ERBB4: variants seen among roughly 807,000 people sequenced by gnomAD.
ERBB4 encodes erb-b2 receptor tyrosine kinase 4.
In ERBB4, 42 loss-of-function variants were observed where a neutral mutation model predicts 158.0. That is an observed-to-expected ratio of 0.27 (90% confidence interval 0.21 to 0.34). The LOEUF is 0.34. Ranked by LOEUF, ERBB4 falls within the 10% of genes least tolerant of loss-of-function variation. The pLI is 1.00. For missense variants in ERBB4, 1,333 were observed against 1,624.1 expected (o/e 0.82, Z 3.08); for synonymous variants, 583 against 558.7 (o/e 1.04, Z -0.61).
intron 1 of ERBB4, among the ~76,000 whole-genome samples, chr2:212,393,457 T>C (rs1218549895): frequency 6.6e-6 from 1 of 152,046 alleles, no homozygotes. Context: ...ACATATGAAA[T>C]AATAATATAT....
chr2:212,311,297 A>G (rs2087034282), intron 1 of ERBB4, among the ~76,000 whole-genome samples: 1 of 150,980 alleles, frequency 6.6e-6, no homozygotes, highest in South Asian at 2.1e-4. Flanking sequence ...AAAAATAAAA[A>G]TAATATAGAA....
At chr2:212,185,701 T>C (rs1559684375) in intron 1 of ERBB4, among the ~76,000 whole-genome samples, 1 of 151,908 alleles carries the variant, frequency 6.6e-6, no homozygotes, top group Non-Finnish European at 1.5e-5. Flanking sequence ...TAAGTAATGA[T>C]GGAATTTGGG....
At chr2:212,151,133 A>G (rs959165053) in intron 1 of ERBB4, among the ~76,000 whole-genome samples, 4 of 151,982 alleles carry the variant, frequency 2.6e-5, no homozygotes, top group Non-Finnish European at 5.9e-5. Flanking sequence ...AAATAAATGC[A>G]TCTGTCTGCA....
chr2:211,643,533 A>G (rs1007351948), intron 16 of ERBB4, among the ~76,000 whole-genome samples: 2 of 152,108 alleles, frequency 1.3e-5, no homozygotes, highest in Admixed American at 6.6e-5. Flanking sequence ...ACTATGTCCA[A>G]ATTTTTCACT....
At chr2:212,238,970 G>A (rs370918153) in intron 1 of ERBB4, among the ~76,000 whole-genome samples, 1 of 152,132 alleles carries the variant, frequency 6.6e-6, no homozygotes, top group East Asian at 1.9e-4. Flanking sequence ...TTTGGAGTCT[G>A]GGCTTCAAGT....
At chr2:212,272,621 G>A (rs2106122548) in intron 1 of ERBB4, among the ~76,000 whole-genome samples, 1 of 151,886 alleles carries the variant, frequency 6.6e-6, no homozygotes, top group South Asian at 2.1e-4. Flanking sequence ...TGTGGGTTAA[G>A]CTATTAGGAA....
chr2:211,611,081 C>A (rs918670881), intron 19 of ERBB4, among the ~76,000 whole-genome samples: 6 of 152,100 alleles, frequency 3.9e-5, no homozygotes, highest in African/African-American at 1.4e-4. Flanking sequence ...ACTGGAAATG[C>A]CTGCAGTCAA....
At chr2:211,972,682 T>G (rs1559220331) in intron 2 of ERBB4, among the ~76,000 whole-genome samples, 1 of 152,166 alleles carries the variant, frequency 6.6e-6, no homozygotes. Flanking sequence ...TAAATGGTAG[T>G]GGGATAACTG....
At chr2:211,863,957 G>A (rs2078136546) in intron 3 of ERBB4, among the ~76,000 whole-genome samples, 1 of 152,116 alleles carries the variant, frequency 6.6e-6, no homozygotes, top group African/African-American at 2.4e-5. Flanking sequence ...GAGAGGGCTT[G>A]GAGGTAGGAT....
intron 1 of ERBB4, among the ~76,000 whole-genome samples, chr2:212,478,819 C>G (rs950741223): frequency 6.6e-6 from 1 of 152,070 alleles, no homozygotes; most frequent in Non-Finnish European, 1.5e-5. Context: ...GACATACCTT[C>G]ATCTCAAATA....
Position 211,888,955 on chromosome 2 carries a change from A to G in ERBB4, c.421+58475T>C, listed in dbSNP as rs375609692. ...GCAGTCTGAGATCAAACTGCAAGGCAGCAGCGAGGCTGGGGGAGGGGCGCC... is the reference window on the plus strand; with the variant it reads ...GCAGTCTGAGATCAAACTGCAAGGCGGCAGCGAGGCTGGGGGAGGGGCGCC... On this transcript the variant is annotated intron_variant, in intron 3 of 27. Transcript: ENST00000342788. Among the ~76,000 whole-genome samples, 82 of 151,154 alleles carry G rather than the reference A, an allele frequency of 5.4e-4. 2 individuals are homozygous for G. Among genetic ancestry groups the G allele is most frequent in the East Asian group, 5.2e-3 (27 of 5,162 alleles).
chr2:211,791,512 G>C (rs1183364918), intron 3 of ERBB4, among the ~76,000 whole-genome samples: 1 of 143,110 alleles, frequency 7.0e-6, no homozygotes, highest in African/African-American at 2.5e-5. Flanking sequence ...GAGTGCAGAA[G>C]CTAAAAAAAA....
intron 2 of ERBB4, among the ~76,000 whole-genome samples, chr2:212,081,131 C>G (rs1191704360): frequency 6.6e-6 from 1 of 152,134 alleles, no homozygotes; most frequent in Non-Finnish European, 1.5e-5. Context: ...TTTCAAAGAG[C>G]TGCAGACGGT....
chr2:211,874,341 C>T (rs954703798), intron 3 of ERBB4, among the ~76,000 whole-genome samples: 30 of 152,104 alleles, frequency 2.0e-4, no homozygotes, highest in African/African-American at 7.0e-4. Context: ...CTTTATTTTT[C>T]AGCTTTGCAT....
intron 2 of ERBB4, among the ~76,000 whole-genome samples, chr2:212,030,653 G>A (rs1424664613): frequency 6.6e-6 from 1 of 151,992 alleles, no homozygotes; most frequent in Non-Finnish European, 1.5e-5. Flanking sequence ...GAATCCTGCT[G>A]GGACCCTGGG....
chr2:212,172,516 C>T (rs552851111), intron 1 of ERBB4, among the ~76,000 whole-genome samples: 29 of 152,206 alleles, frequency 1.9e-4, no homozygotes, highest in Admixed American at 1.5e-3. Context: ...AATCAACCCA[C>T]ATTTCCATCA....
intron 20 of ERBB4, among the ~76,000 whole-genome samples, chr2:211,540,425 C>T (rs969790180): frequency 6.6e-6 from 1 of 151,890 alleles, no homozygotes; most frequent in African/African-American, 2.4e-5. Flanking sequence ...TCCATGAAAG[C>T]ATCCAGGAGG....
intron 19 of ERBB4, among the ~76,000 whole-genome samples, chr2:211,576,921 G>A (rs2067910350): frequency 6.6e-6 from 1 of 152,132 alleles, no homozygotes; most frequent in African/African-American, 2.4e-5. Flanking sequence ...TGGTAGGGTT[G>A]TACCATGAGG....
chr2:212,534,460 G>C (rs1475101616), intron 1 of ERBB4, among the ~76,000 whole-genome samples: 2 of 152,180 alleles, frequency 1.3e-5, no homozygotes, highest in Admixed American at 6.5e-5. Flanking sequence ...ATGTGCCAGT[G>C]ATCTTGGATC....
Sources: allele counts gnomAD v4.1 joint callset (sites outside exome capture counted in the v4.1 genomes callset), GRCh38; gene constraint gnomAD v4.1.1; transcripts MANE v1.5; gene names NCBI Gene and HGNC (gene_info 2026-07-23, HGNC 2026-07-21).